AUH: variants seen among roughly 807,000 people sequenced by gnomAD.
AUH encodes the protein methylglutaconyl-CoA hydratase, mitochondrial.
A neutral mutation model predicts 42.3 loss-of-function variants in AUH; 29 were observed. The observed-to-expected ratio is 0.69, with a 90% CI of 0.51 to 0.93. The LOEUF (loss-of-function observed/expected upper bound fraction) is 0.93. Among genes scored for constraint, AUH ranks in the 40% least tolerant of loss-of-function variants. The probability of loss-of-function intolerance (pLI) is 0.00; values close to 1 mark genes in which losing one functional copy is unlikely to be tolerated. For missense variants in AUH, 452 were observed against 438.1 expected (o/e 1.03, Z -0.28); for synonymous variants, 174 against 166.4 (o/e 1.05, Z -0.35).
At chr9:91,332,801 C>A (rs73651419) in intron 3 of AUH, among the ~76,000 whole-genome samples, 1 of 152,286 alleles carries the variant, frequency 6.6e-6, no homozygotes, top group African/African-American at 2.4e-5. Context: ...GCTTCATGCA[C>A]TTTCATGGGT....
intron 6 of AUH, among the ~76,000 whole-genome samples, chr9:91,284,625 AC>A (rs1282923985): frequency 3.3e-5 from 5 of 152,180 alleles, no homozygotes; most frequent in African/African-American, 9.6e-5. Context: ...GAGAAAAAAA[AC>A]AAACAACCTC....
intron 8 of AUH, 123 bp downstream of exon 8, chr9:91,217,154 T>C (rs1183200607): frequency 7.1e-6 from 7 of 980,066 alleles, no homozygotes; most frequent in South Asian, 2.9e-5. Context: ...CTTTCAGTAA[T>C]AGTAGCATTT....
At position 91,361,891 on chromosome 9, in the gene AUH, T is replaced by C; in HGVS notation, c.-2A>G. On this transcript the variant is annotated 5_prime_UTR_variant, in exon 1 of 10. Coordinates refer to ENST00000375731, the MANE Select transcript of AUH (RefSeq NM_001698.3). ...TGCCGCCGCCACCGCGGCCGCCATG[T>C]TGTCTGTTTACGGCGTGGACCTGCG... 4.1e-6 allele frequency: 6 copies of C among 1,462,948 alleles called. No homozygotes were observed. The highest frequency in any genetic ancestry group is 5.4e-6 in the Non-Finnish European group (6 of 1,113,686). 90.6% of individuals were successfully genotyped at this position (1,462,948 alleles called of 1,614,324 possible). A position where few individuals can be genotyped will look rare whatever the true frequency, so the allele number is the denominator to read the frequency against.
At chr9:91,325,240 T>TATATAAGCATTGGTTAA in intron 4 of AUH, 78 bp downstream of exon 4, 2 of 1,126,876 alleles carry the variant, frequency 1.8e-6, no homozygotes, top group Non-Finnish European at 2.7e-6. Context: ...CCAATGCTTA[T>TATATAAGCATTGGTTAA]ATATAATGTG....
At chr9:91,347,212 TTTTGTTTGTTTG>T (rs145405829) in intron 3 of AUH, among the ~76,000 whole-genome samples, 2 of 150,182 alleles carry the variant, frequency 1.3e-5, no homozygotes, top group East Asian at 2.0e-4. Context: ...TAAGAGGGTT[TTTTGTTTGTTTG>T]TTTGTTTGTT....
rs761837529 is a variant in AUH, at chr9:91,325,344, T to C, written c.479A>G (p.Lys160Arg). The C allele has an allele frequency of 6.2e-7, 1 of 1,613,746 alleles. No homozygotes were observed. The highest frequency in any genetic ancestry group is 2.2e-5 in the East Asian group (1 of 44,828). Residue 160 changes from lysine to arginine, a missense_variant, in exon 4 of 10, where the codon AAA (lysine) becomes AGA (arginine). Lys to Arg is a conservative substitution (Grantham distance 26). Transcript: ENST00000375731. Reference protein sequence around the residue: ...SSSEVGPFVSKIRAVINDIAN... With the variant: ...SSSEVGPFVSRIRAVINDIAN... ...AATATCGTTAATCACTGCTCTTATT[T>C]TGGAGACAAAAGGACCAACTTCACT... is the stretch of plus-strand genomic sequence containing the variant.
At chr9:91,334,017 C>T (rs1015740047) in intron 3 of AUH, among the ~76,000 whole-genome samples, 5 of 152,100 alleles carry the variant, frequency 3.3e-5, no homozygotes, top group South Asian at 4.2e-4. Context: ...ACAGGGTACA[C>T]GTTATGTATT....
At chr9:91,219,201 G>C (rs1647567609) in intron 7 of AUH, among the ~76,000 whole-genome samples, 2 of 152,236 alleles carry the variant, frequency 1.3e-5, no homozygotes, top group African/African-American at 2.4e-5. Context: ...TCATGGGAGA[G>C]AGAGCAAGTC....
intron 6 of AUH, among the ~76,000 whole-genome samples, chr9:91,285,941 C>T (rs759777503): frequency 6.6e-6 from 1 of 152,152 alleles, no homozygotes; most frequent in Non-Finnish European, 1.5e-5. Flanking sequence ...TCTGTTCTTT[C>T]TTCACATCGG....
At chr9:91,252,705 G>C (rs1226872454) in intron 6 of AUH, among the ~76,000 whole-genome samples, 1 of 152,134 alleles carries the variant, frequency 6.6e-6, no homozygotes, top group East Asian at 1.9e-4. Flanking sequence ...ACACTACTAA[G>C]GTATCAGTGG....
In AUH at chr9:91,214,416, T is replaced by C; in HGVS notation, c.952A>G (p.Thr318Ala). 6.2e-7 allele frequency: 1 copy of C among 1,608,238 alleles called. No individual in the cohort carries two copies. The highest frequency in any genetic ancestry group is 1.3e-5 in the African/African-American group (1 of 74,932). ...EEACYAQTIP[T>A]KDRLEGLLAF... ...AGAAGACCTTCAAGTCTGTCTTTTG[T>C]TGGAATGGTCTAAGAAAAACAAAAT... Residue 318 changes from threonine to alanine, a missense_variant, in exon 10 of 10, where the codon ACA becomes GCA. By Grantham distance (58) the Thr-to-Ala change is moderately conservative (BLOSUM62 0). Coordinates refer to ENST00000375731, the MANE Select transcript of AUH (RefSeq NM_001698.3).
intron 6 of AUH, among the ~76,000 whole-genome samples, chr9:91,264,715 G>C (rs569901629): frequency 1.3e-5 from 2 of 152,324 alleles, no homozygotes; most frequent in African/African-American, 4.8e-5. Flanking sequence ...CCAGGAGTTT[G>C]AGACTGAGAA....
chr9:91,267,200 C>G (rs891865879), intron 6 of AUH, among the ~76,000 whole-genome samples: 16 of 152,084 alleles, frequency 1.1e-4, no homozygotes, highest in African/African-American at 3.9e-4. Flanking sequence ...TTCCAGTTTA[C>G]AAAGCAGTCT....
intron 3 of AUH, among the ~76,000 whole-genome samples, chr9:91,334,584 C>CATTTCA (rs1433544323): frequency 1.7e-5 from 2 of 117,028 alleles, no homozygotes; most frequent in African/African-American, 6.7e-5. Flanking sequence ...GACTGTGGGA[C>CATTTCA]ATTTCAGTTC....
chr9:91,274,568 C>CA (rs1825400839), intron 6 of AUH, among the ~76,000 whole-genome samples: 1 of 151,962 alleles, frequency 6.6e-6, no homozygotes, highest in Admixed American at 6.6e-5. Context: ...GAATAATTAG[C>CA]AAAAAATGTA....
Position 91,258,887 on chromosome 9 carries a change from T to C in AUH, c.655+37134A>G, listed in dbSNP as rs556029704. 3.3e-5 allele frequency among the ~76,000 whole-genome samples: 5 copies of C among 152,362 alleles called. No homozygotes were observed. The South Asian group carries it at 1.0e-3, about 32-fold the overall frequency. ...AAATGAGATAAATCCTGCTTGGTTA[T>C]GATGTATTATCTTTTTATGAATTAT... On this transcript the variant is annotated intron_variant, in intron 6 of 9. Transcript: ENST00000375731.
chr9:91,321,000 T>C (rs1002343407), intron 4 of AUH, among the ~76,000 whole-genome samples: 1 of 152,230 alleles, frequency 6.6e-6, no homozygotes, highest in African/African-American at 2.4e-5. Context: ...TTGAGACTTT[T>C]GTTTTTAAGT....
At chr9:91,285,731 A>G (rs1826350653) in intron 6 of AUH, among the ~76,000 whole-genome samples, 1 of 152,104 alleles carries the variant, frequency 6.6e-6, no homozygotes. Flanking sequence ...CTCCCAAACC[A>G]CCCTAATTAC....
At chr9:91,312,606 G>A (rs1828787078) in intron 4 of AUH, among the ~76,000 whole-genome samples, 1 of 152,186 alleles carries the variant, frequency 6.6e-6, no homozygotes, top group South Asian at 2.1e-4. Context: ...CACGCTTGTA[G>A]TTCTAACTAC....
Sources: allele counts gnomAD v4.1 joint callset (sites outside exome capture counted in the v4.1 genomes callset), GRCh38; gene constraint gnomAD v4.1.1; transcripts MANE v1.5; gene names NCBI Gene and HGNC (gene_info 2026-07-23, HGNC 2026-07-21).